The following NID1 variants were observed in gnomAD, a reference collection of about 807,000 sequenced individuals.
NID1 encodes the protein nidogen 1, also known as nidogen-1.
A neutral mutation model predicts 130.6 loss-of-function variants in NID1; 76 were observed. That is an observed-to-expected ratio of 0.58 (90% CI 0.48 to 0.70). The LOEUF (loss-of-function observed/expected upper bound fraction) is 0.70. Ranked by LOEUF, NID1 falls within the 30% of genes least tolerant of loss-of-function variation. NID1 has a pLI of 0.00. For synonymous variants in NID1, 665 were observed against 675.1 expected (o/e 0.98, Z 0.23); for missense variants, 1,517 against 1,664.8 (o/e 0.91, Z 1.54).
At chr1:236,023,307 CAT>C (rs1169160330) in intron 9 of NID1, among the ~76,000 whole-genome samples, 5 of 152,174 alleles carry the variant, frequency 3.3e-5, no homozygotes, top group Non-Finnish European at 5.9e-5. Context: ...AATTCTGACA[CAT>C]GTGACAACAT....
intron 2 of NID1, among the ~76,000 whole-genome samples, chr1:236,046,660 G>A (rs760947191): frequency 6.6e-6 from 1 of 152,102 alleles, no homozygotes; most frequent in Admixed American, 6.6e-5. Flanking sequence ...TTGGTATAGC[G>A]GCTGCAAAGG....
intron 1 of NID1, among the ~76,000 whole-genome samples, chr1:236,052,895 A>AAATGAATGAATG (rs61159787): frequency 8.5e-5 from 13 of 152,062 alleles, no homozygotes; most frequent in African/African-American, 3.1e-4. Context: ...AGCAGCTGGA[A>AAATGAATGAATG]AATGAATGAA....
At chr1:235,991,338 C>T (rs1465753420) in intron 13 of NID1, among the ~76,000 whole-genome samples, 4 of 152,094 alleles carry the variant, frequency 2.6e-5, no homozygotes, top group African/African-American at 9.7e-5. Context: ...GGCTTGGCCT[C>T]CCTCTTTTTT....
In NID1 at chr1:235,979,906, C is replaced by T. The variant is rs1279931054; in HGVS notation, c.3425G>A (p.Ser1142Asn). The T allele has an allele frequency of 6.2e-7, 1 of 1,614,040 alleles. No homozygotes were observed. Among genetic ancestry groups the T allele is most frequent in the African/African-American group, 1.3e-5 (1 of 74,944 alleles). The change falls in exon 18 of 20, where the codon AGC (serine) becomes AAC (asparagine). Residue 1142 changes from serine (S) to asparagine (N), a missense_variant. Ser to Asn is a conservative substitution (Grantham distance 46). Transcript: ENST00000264187. The surrounding 1 kb of genome is among the most constrained non-coding windows in gnomAD (Gnocchi z 4.6). ...GAGCCCTTCGAGAGCCTTGCGTCTGCTGGGCTGACTGGGGTTCAGGCATTC... is the reference window on the plus strand; with the variant it reads ...GAGCCCTTCGAGAGCCTTGCGTCTGTTGGGCTGACTGGGGTTCAGGCATTC... Reference protein sequence around the residue: ...RAECLNPSQPSRRKALEGLQY... With the variant: ...RAECLNPSQPNRRKALEGLQY...
intron 6 of NID1, among the ~76,000 whole-genome samples, chr1:236,030,368 C>G (rs1171541049): frequency 2.0e-5 from 3 of 152,192 alleles, no homozygotes; most frequent in Non-Finnish European, 4.4e-5. Flanking sequence ...CCCGTGACAG[C>G]AGGGGTTGAC....
intron 4 of NID1, among the ~76,000 whole-genome samples, chr1:236,038,691 G>A (rs1363115990): frequency 8.1e-6 from 1 of 123,810 alleles, no homozygotes; most frequent in African/African-American, 3.1e-5. Context: ...TGTTATATAG[G>A]TCATATATAA....
intron 11 of NID1, 63 bp from the exon 12 acceptor site, chr1:236,012,106 A>G: frequency 1.3e-6 from 2 of 1,584,522 alleles, no homozygotes; most frequent in African/African-American, 1.3e-5. Flanking sequence ...AGTTTACCCA[A>G]TAATTTAAGC....
At chr1:236,048,538 A>G in intron 2 of NID1, 152 bp downstream of exon 2, 1 of 770,350 alleles carries the variant, frequency 1.3e-6, no homozygotes, top group Non-Finnish European at 2.0e-6. Context: ...GAGGTTTGGG[A>G]CCTGCAATAA....
chr1:236,008,550 G>C (rs1377228537), intron 12 of NID1, among the ~76,000 whole-genome samples: 4 of 152,060 alleles, frequency 2.6e-5, no homozygotes, highest in African/African-American at 9.7e-5. Flanking sequence ...ACCCAGGCTG[G>C]AGTGCAGTGG....
intron 12 of NID1, among the ~76,000 whole-genome samples, chr1:236,004,302 G>T (rs932107690): frequency 6.6e-6 from 1 of 152,102 alleles, no homozygotes; most frequent in African/African-American, 2.4e-5. Context: ...GAAGGGTGAA[G>T]GGACACACCA....
intron 2 of NID1, among the ~76,000 whole-genome samples, chr1:236,046,834 T>A (rs1479616162): frequency 6.6e-6 from 1 of 152,144 alleles, no homozygotes; most frequent in African/African-American, 2.4e-5. Flanking sequence ...AAGCAAAATG[T>A]GTCATGCAGG....
chr1:235,992,904 A>G (rs1558424147), intron 13 of NID1, among the ~76,000 whole-genome samples: 1 of 152,110 alleles, frequency 6.6e-6, no homozygotes, highest in Admixed American at 6.5e-5. Context: ...CAATTTCTAC[A>G]TTTGCAACGG....
chr1:236,048,933 G>T lies in NID1; in HGVS notation c.282C>A (p.Pro94=), dbSNP rs368248311. Residue 94 remains proline, a synonymous_variant, in exon 2 of 20, where the codon CCC becomes CCA. Transcript: ENST00000264187. ...TSEPPAKESH[P]GLFPPTFGAV... ...CACCGAATGTTGGTGGGAAGAGCCC[G>T]GGATGGGATTCTTTGGCCGGGGGTT... 6 of 1,614,024 alleles carry T rather than the reference G, an allele frequency of 3.7e-6. No individual in the cohort carries two copies. The highest frequency in any genetic ancestry group is 1.3e-5 in the African/African-American group (1 of 74,912).
intron 3 of NID1, among the ~76,000 whole-genome samples, chr1:236,043,464 G>A (rs1046467224): frequency 1.3e-5 from 2 of 152,168 alleles, no homozygotes; most frequent in African/African-American, 4.8e-5. Flanking sequence ...TTTGGTGTCA[G>A]AAGTGTGAGT....
At chr1:236,031,243 C>G (rs562470316) in intron 6 of NID1, among the ~76,000 whole-genome samples, 4 of 152,202 alleles carry the variant, frequency 2.6e-5, no homozygotes, top group Admixed American at 2.6e-4. Context: ...CTCAGCCTCC[C>G]GAGTAGCTGG....
At chr1:236,020,257 G>A (rs777723259) in intron 9 of NID1, among the ~76,000 whole-genome samples, 2 of 152,054 alleles carry the variant, frequency 1.3e-5, no homozygotes, top group Non-Finnish European at 2.9e-5. Flanking sequence ...AACTCAATAG[G>A]AAAATCCTGG....
At chr1:236,035,634 T>C (rs1659233151) in intron 5 of NID1, among the ~76,000 whole-genome samples, 1 of 152,078 alleles carries the variant, frequency 6.6e-6, no homozygotes, top group East Asian at 1.9e-4. Flanking sequence ...TTCCTATTTC[T>C]CCACATCCTC....
In NID1 at chr1:236,037,486, C is replaced by T. The variant is rs190771687; in HGVS notation, c.1285+618G>A. Among the ~76,000 whole-genome samples the T allele has an allele frequency of 2.3e-3, 355 of 152,126 alleles. 2 individuals carry two copies. Among genetic ancestry groups the T allele is most frequent in the African/African-American group, 8.4e-3 (347 of 41,512 alleles). On this transcript the variant is annotated intron_variant, in intron 5 of 19. Transcript: ENST00000264187. The stretch of plus-strand genomic sequence containing the variant: ...CAGTCTGGCCAACATGGAGAAACCC[C>T]ATCTCTATGAAAAATACAAAAATTA...
At chr1:236,013,660 T>C in intron 10 of NID1, 100 bp from the exon 11 acceptor site, 1 of 1,364,138 alleles carries the variant, frequency 7.3e-7, no homozygotes, top group Non-Finnish European at 1.0e-6. Flanking sequence ...GCCTGGACCC[T>C]AGACCTCTAG....
Sources: gnomAD v4.1 joint callset for allele counts (sites outside exome capture counted in the v4.1 genomes callset) on GRCh38, gnomAD v4.1.1 for gene constraint, Gnocchi (gnomAD v3.1) non-coding constraint, MANE v1.5 for transcripts, NCBI Gene and HGNC (gene_info 2026-07-23, HGNC 2026-07-21) for gene names.